C7orf78: variants seen among roughly 807,000 people sequenced by gnomAD.
C7orf78 encodes chromosome 7 open reading frame 78.
chr7:12,522,443 A>G, the C7orf78 span, among the ~76,000 whole-genome samples: 1 of 152,146 alleles, frequency 6.6e-6, no homozygotes, highest in Non-Finnish European at 1.5e-5. Context: ...CAATGTACTC[A>G]TGATGGTTTA....
the C7orf78 span, among the ~76,000 whole-genome samples, chr7:12,488,837 A>C: frequency 2.0e-5 from 3 of 151,988 alleles, no homozygotes; most frequent in Non-Finnish European, 4.4e-5. Flanking sequence ...TTTAACAATG[A>C]AATGTTTCTT....
the C7orf78 span, chr7:12,528,850 G>T: frequency 2.5e-6 from 1 of 397,678 alleles, no homozygotes; most frequent in South Asian, 1.3e-4. Flanking sequence ...GAGACATCAT[G>T]AACAAAGACA....
the C7orf78 span, among the ~76,000 whole-genome samples, chr7:12,523,780 AT>A: frequency 2.1e-3 from 326 of 152,314 alleles, no homozygotes; most frequent in Non-Finnish European, 3.5e-3. Context: ...AATAAAATAA[AT>A]TTGTGGAATA....
chr7:12,534,189 T>G, the C7orf78 span, among the ~76,000 whole-genome samples: 1 of 152,220 alleles, frequency 6.6e-6, no homozygotes, highest in African/African-American at 2.4e-5. Context: ...ACATTTCATT[T>G]GTACTAGCCC....
At chr7:12,530,696 G>T in the C7orf78 span, among the ~76,000 whole-genome samples, 1 of 152,088 alleles carries the variant, frequency 6.6e-6, no homozygotes, top group Non-Finnish European at 1.5e-5. Flanking sequence ...AATATTGTAA[G>T]AAATTTTTCC....
At chr7:12,501,405 G>A in the C7orf78 span, among the ~76,000 whole-genome samples, 16 of 151,336 alleles carry the variant, frequency 1.1e-4, no homozygotes, top group Non-Finnish European at 2.1e-4. Context: ...AAATCAATGT[G>A]CAAAAATCAC....
the C7orf78 span, chr7:12,531,052 G>C: frequency 2.5e-6 from 1 of 398,322 alleles, no homozygotes; most frequent in African/African-American, 2.1e-5. Context: ...TGCATTTATG[G>C]ATCGTGTGGA....
chr7:12,517,009 T>C, the C7orf78 span, among the ~76,000 whole-genome samples: 1 of 152,032 alleles, frequency 6.6e-6, no homozygotes, highest in Non-Finnish European at 1.5e-5. Flanking sequence ...TGGGAAGGCA[T>C]GATTGGTTTT....
At chr7:12,523,442 T>G in the C7orf78 span, 1 of 397,970 alleles carries the variant, frequency 2.5e-6, no homozygotes, top group Non-Finnish European at 4.4e-6. Flanking sequence ...AAAGAGCATT[T>G]GAATAAAAAC....
chr7:12,518,602 G>C, the C7orf78 span, among the ~76,000 whole-genome samples: 4 of 152,154 alleles, frequency 2.6e-5, no homozygotes, highest in Admixed American at 2.6e-4. Flanking sequence ...CCATCTTCAG[G>C]TTCCTAGGGG....
At chr7:12,539,682 T>C in the C7orf78 span, among the ~76,000 whole-genome samples, 1 of 152,086 alleles carries the variant, frequency 6.6e-6, no homozygotes, top group Admixed American at 6.6e-5. Context: ...ACTGAGACAA[T>C]GAGTATTGCC....
the C7orf78 span, among the ~76,000 whole-genome samples, chr7:12,487,512 C>T: frequency 6.6e-6 from 1 of 152,014 alleles, no homozygotes; most frequent in African/African-American, 2.4e-5. Flanking sequence ...ATATAAACTC[C>T]TCCATTTATT....
the C7orf78 span, among the ~76,000 whole-genome samples, chr7:12,486,046 A>C: frequency 6.4e-3 from 976 of 152,246 alleles, 21 homozygotes; most frequent in East Asian, 0.07. Context: ...AAATGCTGAC[A>C]ATATCAAAAC....
the C7orf78 span, among the ~76,000 whole-genome samples, chr7:12,515,418 T>G: frequency 1.3e-5 from 2 of 152,348 alleles, no homozygotes; most frequent in East Asian, 1.9e-4. Flanking sequence ...GTAAGTCCAA[T>G]TAAACCTCAT....
the C7orf78 span, among the ~76,000 whole-genome samples, chr7:12,517,330 G>A: frequency 7.9e-5 from 12 of 152,122 alleles, no homozygotes; most frequent in African/African-American, 2.9e-4. Flanking sequence ...CCCCAGCCAT[G>A]AGGAACTGTA....
chr7:12,517,515 A>C, the C7orf78 span, among the ~76,000 whole-genome samples: 1 of 152,166 alleles, frequency 6.6e-6, no homozygotes, highest in Non-Finnish European at 1.5e-5. Context: ...AGATAACAAA[A>C]ATTCATATAT....
chr7:12,522,437 G>A, the C7orf78 span, among the ~76,000 whole-genome samples: 75,743 of 151,886 alleles, frequency 0.5, 19,111 homozygotes, highest in Admixed American at 0.57. Context: ...TAATTACAAT[G>A]TACTCATGAT....
chr7:12,508,346 T>G, the C7orf78 span, among the ~76,000 whole-genome samples: 3 of 152,084 alleles, frequency 2.0e-5, no homozygotes, highest in Non-Finnish European at 4.4e-5. Context: ...GTTTCTAAGT[T>G]TTTTTTAAAA....
chr7:12,522,611 G>A, the C7orf78 span, among the ~76,000 whole-genome samples: 1 of 152,062 alleles, frequency 6.6e-6, no homozygotes, highest in Non-Finnish European at 1.5e-5. Context: ...CTATTTTCTT[G>A]ATAAAGCTAG....
Sources: gnomAD v4.1 joint callset for allele counts (sites outside exome capture counted in the v4.1 genomes callset) on GRCh38, gnomAD v4.1.1 for gene constraint, MANE v1.5 for transcripts, NCBI Gene and HGNC (gene_info 2026-07-23, HGNC 2026-07-21) for gene names.